The following ATP8A1 variants were observed in gnomAD, a reference collection of about 807,000 sequenced individuals.
The protein encoded by ATP8A1 is phospholipid-transporting ATPase IA.
ATP8A1 carries 90 observed loss-of-function variants against 177.7 expected under a neutral mutation model. The ratio of observed to expected loss-of-function variants is 0.51; its 90% CI spans 0.43 to 0.60. The LOEUF (loss-of-function observed/expected upper bound fraction) is 0.60. ATP8A1 is among the 20% of genes least tolerant of loss of function. The pLI is 0.00. For missense variants in ATP8A1, 1,072 were observed against 1,392.8 expected, an observed-to-expected ratio of 0.77 and a Z score of 3.67; for synonymous variants, 493 against 485.9, an observed-to-expected ratio of 1.01 and a Z score of -0.19.
chr4:42,470,812 C>G (rs192281248), intron 25 of ATP8A1, among the ~76,000 whole-genome samples: 42 of 152,286 alleles, frequency 2.8e-4, no homozygotes, highest in Middle Eastern at 3.4e-3. Flanking sequence ...AATTTGAGGT[C>G]TGCTCCAGGT....
chr4:42,518,499 G>C (rs577116536), intron 22 of ATP8A1, among the ~76,000 whole-genome samples: 1 of 152,254 alleles, frequency 6.6e-6, no homozygotes, highest in East Asian at 1.9e-4. Flanking sequence ...GGAGGCTGAG[G>C]GGAAAGCCAG....
At chr4:42,494,822 G>A (rs546866966) in intron 24 of ATP8A1, among the ~76,000 whole-genome samples, 1 of 152,208 alleles carries the variant, frequency 6.6e-6, no homozygotes, top group East Asian at 1.9e-4. Flanking sequence ...TATGTATTTG[G>A]TTTAAAATAA....
intron 33 of ATP8A1, among the ~76,000 whole-genome samples, chr4:42,439,812 T>C (rs1216449098): frequency 6.6e-6 from 1 of 152,208 alleles, no homozygotes; most frequent in Non-Finnish European, 1.5e-5. Flanking sequence ...TTTAGACTTC[T>C]AATTTCCAGA....
intron 6 of ATP8A1, among the ~76,000 whole-genome samples, chr4:42,597,227 A>G (rs1167743354): frequency 6.6e-6 from 1 of 152,192 alleles, no homozygotes. Context: ...AAGGTCTATC[A>G]TATTACCTTG....
chr4:42,514,350 G>A (rs893738482), intron 22 of ATP8A1, among the ~76,000 whole-genome samples: 2 of 152,136 alleles, frequency 1.3e-5, no homozygotes. Context: ...ACCCAGGGTG[G>A]AAAATCTACC....
intron 1 of ATP8A1, among the ~76,000 whole-genome samples, chr4:42,631,392 G>C (rs146682707): frequency 1.3e-5 from 2 of 152,282 alleles, no homozygotes; most frequent in African/African-American, 4.8e-5. Flanking sequence ...ACAGGAACTA[G>C]AGTAACTGAA....
chr4:42,471,428 C>T (rs1346613582), intron 25 of ATP8A1, among the ~76,000 whole-genome samples: 2 of 152,170 alleles, frequency 1.3e-5, no homozygotes, highest in Non-Finnish European at 2.9e-5. Flanking sequence ...TTCTGCAATG[C>T]ATTTTAGATA....
chr4:42,656,513 T>C (rs1293653430), intron 1 of ATP8A1, among the ~76,000 whole-genome samples: 1 of 150,580 alleles, frequency 6.6e-6, no homozygotes, highest in South Asian at 2.1e-4. Flanking sequence ...TGAGTGGAAA[T>C]CGAACTGGTG....
At chr4:42,612,511 A>T (rs1736467376) in intron 5 of ATP8A1, among the ~76,000 whole-genome samples, 1 of 150,440 alleles carries the variant, frequency 6.6e-6, no homozygotes, top group South Asian at 2.2e-4. Flanking sequence ...AAACTCATCA[A>T]GACTCACTCA....
At chr4:42,472,527 T>TTG in intron 25 of ATP8A1, 1 of 251,514 alleles carries the variant, frequency 4.0e-6, no homozygotes, top group Non-Finnish European at 7.8e-6. Flanking sequence ...GGTGGGCGGA[T>TTG]CACGAGGTCA....
intron 24 of ATP8A1, among the ~76,000 whole-genome samples, chr4:42,500,614 C>T (rs1056617912): frequency 3.3e-5 from 5 of 151,822 alleles, no homozygotes; most frequent in Non-Finnish European, 5.9e-5. Flanking sequence ...TTCTGCTGAT[C>T]CTGGCAATTT....
intron 30 of ATP8A1, among the ~76,000 whole-genome samples, chr4:42,450,509 C>A (rs530219043): frequency 6.6e-6 from 1 of 152,176 alleles, no homozygotes; most frequent in Non-Finnish European, 1.5e-5. Context: ...AACAAGCAAG[C>A]AACAAACTAA....
At chr4:42,602,987 G>GGGC (rs1735450527) in intron 5 of ATP8A1, among the ~76,000 whole-genome samples, 3 of 151,888 alleles carry the variant, frequency 2.0e-5, no homozygotes, top group African/African-American at 7.3e-5. Context: ...AGTGTCTAGA[G>GGGC]CTCTGTATTG....
chr4:42,631,646 T>C (rs905391875), intron 1 of ATP8A1, among the ~76,000 whole-genome samples: 7 of 152,184 alleles, frequency 4.6e-5, no homozygotes, highest in African/African-American at 1.7e-4. Context: ...TCTATTCCCT[T>C]CTGCAGAGCT....
At chr4:42,640,579 T>A (rs1159231941) in intron 1 of ATP8A1, among the ~76,000 whole-genome samples, 1 of 152,238 alleles carries the variant, frequency 6.6e-6, no homozygotes, top group Non-Finnish European at 1.5e-5. Flanking sequence ...AGAAGGCTTT[T>A]GTGTAGGCCC....
intron 21 of ATP8A1, 148 bp from the exon 22 acceptor site, chr4:42,522,447 C>T: frequency 1.0e-6 from 1 of 960,140 alleles, no homozygotes. Context: ...ATGACAAAAA[C>T]TTAGTATAAA....
intron 6 of ATP8A1, among the ~76,000 whole-genome samples, chr4:42,595,379 G>A (rs1166444938): frequency 6.6e-6 from 1 of 152,126 alleles, no homozygotes; most frequent in African/African-American, 2.4e-5. Context: ...GTTAGAAAAG[G>A]TTGGGGCAGG....
At chr4:42,551,904 A>G (rs948860683) in intron 17 of ATP8A1, among the ~76,000 whole-genome samples, 17 of 152,168 alleles carry the variant, frequency 1.1e-4, no homozygotes, top group Admixed American at 1.0e-3. Context: ...AGTTTAAAAC[A>G]CTTCTAACAA....
chr4:42,423,074 G>GT (rs1257146682), intron 34 of ATP8A1, among the ~76,000 whole-genome samples, 175 bp from the exon 35 acceptor site: 2 of 152,022 alleles, frequency 1.3e-5, no homozygotes, highest in Non-Finnish European at 2.9e-5. Flanking sequence ...AGAAATTATA[G>GT]TTTTAAAAAT....
Sources: allele counts gnomAD v4.1 joint callset (sites outside exome capture counted in the v4.1 genomes callset), GRCh38; gene constraint gnomAD v4.1.1; transcripts MANE v1.5; gene names NCBI Gene and HGNC (gene_info 2026-07-23, HGNC 2026-07-21).